Variants in TMEM117 observed in about 807,000 individuals in gnomAD.
TMEM117 encodes the protein transmembrane protein 117.
In TMEM117, 27 loss-of-function variants were observed where a neutral mutation model predicts 52.4. That is an observed-to-expected ratio of 0.51 (90% CI 0.38 to 0.71). TMEM117 has a LOEUF of 0.71. Ranked by LOEUF, TMEM117 falls within the 30% of genes least tolerant of loss-of-function variation. The pLI is 0.00. For missense variants in TMEM117, 556 were observed against 630.5 expected, an observed-to-expected ratio of 0.88 and a Z score of 1.26; for synonymous variants, 215 against 206.3, an observed-to-expected ratio of 1.04 and a Z score of -0.36.
chr12:44,072,326 T>C (rs1312818302), intron 3 of TMEM117, among the ~76,000 whole-genome samples: 1 of 152,212 alleles, frequency 6.6e-6, no homozygotes, highest in Non-Finnish European at 1.5e-5. Context: ...CCAGAAGAGA[T>C]TCTCAGAGGA....
the TMEM117 span, among the ~76,000 whole-genome samples, chr12:43,815,857 G>C: frequency 6.6e-6 from 1 of 152,156 alleles, no homozygotes; most frequent in Non-Finnish European, 1.5e-5. Flanking sequence ...TCTGCACAAG[G>C]GCAGGAAGGC....
Position 44,299,564 on chromosome 12 carries a change from G to T in TMEM117, c.609-16G>T. ...TTATGCCTTATGTTCTTTAATGAGT[G>T]TCTTGTTCCTTACAGGACAGTTCTT... On this transcript the variant is annotated splice_polypyrimidine_tract_variant and intron_variant, in intron 5 of 7. Transcript: ENST00000266534. 6.2e-7 allele frequency: 1 copy of T among 1,613,662 alleles called. No individual in the cohort carries two copies. The highest frequency in any genetic ancestry group is 8.5e-7 in the Non-Finnish European group (1 of 1,179,756).
intron 2 of TMEM117, among the ~76,000 whole-genome samples, chr12:43,845,960 C>G (rs1355485440): frequency 6.6e-6 from 1 of 152,064 alleles, no homozygotes; most frequent in South Asian, 2.1e-4. Context: ...TAGCTTTTCC[C>G]CTCATAAATA....
chr12:43,917,805 T>C (rs767477489), intron 2 of TMEM117, among the ~76,000 whole-genome samples: 33 of 152,094 alleles, frequency 2.2e-4, no homozygotes, highest in Non-Finnish European at 4.0e-4. Flanking sequence ...TCATAGAAGG[T>C]GGGAGCTGGA....
chr12:43,838,121 A>G (rs1943061295), intron 1 of TMEM117, among the ~76,000 whole-genome samples: 1 of 151,654 alleles, frequency 6.6e-6, no homozygotes, highest in Non-Finnish European at 1.5e-5. Flanking sequence ...TATTATTGCT[A>G]TTTGTGTTTT....
At chr12:44,121,522 GATTTTCTTAATAAC>G (rs1374159397) in intron 3 of TMEM117, among the ~76,000 whole-genome samples, 1 of 151,996 alleles carries the variant, frequency 6.6e-6, no homozygotes, top group Non-Finnish European at 1.5e-5. Flanking sequence ...TTTTCCTTAT[GATTTTCTTAATAAC>G]ATTTTCTTTT....
chr12:44,282,816 G>A (rs1019184400), intron 5 of TMEM117, among the ~76,000 whole-genome samples: 2 of 152,340 alleles, frequency 1.3e-5, no homozygotes, highest in African/African-American at 2.4e-5. Context: ...TCTCCAGGCT[G>A]TGTCAGAGAC....
At chr12:44,232,261 G>A (rs1435038736) in intron 5 of TMEM117, among the ~76,000 whole-genome samples, 2 of 151,454 alleles carry the variant, frequency 1.3e-5, no homozygotes, top group Admixed American at 1.3e-4. Flanking sequence ...TTACTGCTTT[G>A]CTTTTTAAGT....
At chr12:44,306,931 A>C (rs1209524140) in intron 6 of TMEM117, among the ~76,000 whole-genome samples, 2 of 152,232 alleles carry the variant, frequency 1.3e-5, no homozygotes, top group Non-Finnish European at 2.9e-5. Context: ...GCACTTGGAG[A>C]GAAGTGATAT....
At chr12:44,299,494 C>T in intron 5 of TMEM117, 86 bp from the exon 6 acceptor site, 2 of 1,511,752 alleles carry the variant, frequency 1.3e-6, no homozygotes, top group Non-Finnish European at 1.8e-6. Flanking sequence ...AAGGGGCAGA[C>T]ATTTAATACA....
chr12:44,372,215 A>G (rs1951873511), intron 6 of TMEM117, among the ~76,000 whole-genome samples: 1 of 152,326 alleles, frequency 6.6e-6, no homozygotes, highest in African/African-American at 2.4e-5. Context: ...ATAAATGAAT[A>G]TTTCATAATA....
chr12:44,133,501 T>C (rs1229473354), intron 3 of TMEM117, among the ~76,000 whole-genome samples: 3 of 152,108 alleles, frequency 2.0e-5, no homozygotes, highest in African/African-American at 7.2e-5. Context: ...TCTCTTTTCC[T>C]TTTTCTTTTT....
At chr12:44,324,274 C>T (rs556967999) in intron 6 of TMEM117, among the ~76,000 whole-genome samples, 12 of 151,932 alleles carry the variant, frequency 7.9e-5, no homozygotes, top group African/African-American at 2.7e-4. Flanking sequence ...TTTCTTTCCC[C>T]TTCTTTTCCT....
chr12:44,310,085 A>C (rs1950954878), intron 6 of TMEM117, among the ~76,000 whole-genome samples: 1 of 152,156 alleles, frequency 6.6e-6, no homozygotes, highest in Non-Finnish European at 1.5e-5. Context: ...TGTGATGGTC[A>C]ATTTTTTTTA....
downstream of TMEM117, among the ~76,000 whole-genome samples, chr12:44,391,465 T>G (rs1036250043): frequency 1.3e-5 from 2 of 152,154 alleles, no homozygotes; most frequent in Non-Finnish European, 2.9e-5. Flanking sequence ...TACAAATTTT[T>G]TTTATTTTTG....
At chr12:43,887,296 T>C (rs1944014869) in intron 2 of TMEM117, among the ~76,000 whole-genome samples, 1 of 152,230 alleles carries the variant, frequency 6.6e-6, no homozygotes, top group Non-Finnish European at 1.5e-5. Context: ...GAGAATCTTA[T>C]AAATAGCTAT....
intron 7 of TMEM117, among the ~76,000 whole-genome samples, chr12:44,382,130 T>C (rs887126179): frequency 6.6e-6 from 1 of 152,154 alleles, no homozygotes; most frequent in African/African-American, 2.4e-5. Context: ...TGTCCAAAAC[T>C]CATCTTCTTC....
chr12:44,163,910 G>A (rs1336926919), intron 4 of TMEM117, among the ~76,000 whole-genome samples: 1 of 152,126 alleles, frequency 6.6e-6, no homozygotes, highest in Non-Finnish European at 1.5e-5. Context: ...TTTTCCCAAA[G>A]TATTTTCTAT....
chr12:44,307,136 G>A (rs777467657), intron 6 of TMEM117, among the ~76,000 whole-genome samples: 14 of 152,196 alleles, frequency 9.2e-5, no homozygotes, highest in African/African-American at 2.2e-4. Context: ...TTGACCTGAC[G>A]TTAGTAGAGC....
Sources: gnomAD v4.1 joint callset for allele counts (sites outside exome capture counted in the v4.1 genomes callset) on GRCh38, gnomAD v4.1.1 for gene constraint, MANE v1.5 for transcripts, NCBI Gene and HGNC (gene_info 2026-07-23, HGNC 2026-07-21) for gene names.